Variants in FLRT2 observed in about 807,000 individuals in gnomAD.
The protein encoded by FLRT2 is fibronectin leucine rich transmembrane protein 2, also known as leucine-rich repeat transmembrane protein FLRT2.
Under a neutral mutation model 40.0 loss-of-function variants are expected in FLRT2, and 15 were observed. The ratio of observed to expected loss-of-function variants is 0.38; its 90% CI spans 0.25 to 0.58. The LOEUF (loss-of-function observed/expected upper bound fraction) is 0.58. Ranked by LOEUF, FLRT2 falls within the 20% of genes least tolerant of loss-of-function variation. The pLI is 0.71. For missense variants in FLRT2, 726 were observed against 840.0 expected (o/e 0.86, Z 1.68); for synonymous variants, 380 against 336.8 (o/e 1.13, Z -1.41).
intron 1 of FLRT2, among the ~76,000 whole-genome samples, chr14:85,569,804 G>A (rs931379762): frequency 2.0e-5 from 3 of 152,180 alleles, no homozygotes; most frequent in Non-Finnish European, 2.9e-5. Flanking sequence ...CTGTGCTTTT[G>A]GAGGGATTTT....
Position 85,652,143 on chromosome 14 carries a change from T to A in FLRT2, c.*28646T>A, listed in dbSNP as rs1237524595. 1 of 152,134 alleles carries A rather than the reference T, an allele frequency of 6.6e-6. No homozygotes were observed. The highest frequency in any genetic ancestry group is 6.5e-5 in the Admixed American group (1 of 15,274). The allele number at this position is 152,134 out of a possible 1,614,324, so 9.4% of individuals were successfully genotyped here. On this transcript the variant is annotated 3_prime_UTR_variant, in exon 2 of 2. Transcript: ENST00000330753. ...AAACAAAGTATTATTAAAAGTATGTTTGATGTTGCTGAAGATTCTTTCATA... is the reference window on the plus strand; with the variant it reads ...AAACAAAGTATTATTAAAAGTATGTATGATGTTGCTGAAGATTCTTTCATA...
intron 1 of FLRT2, among the ~76,000 whole-genome samples, chr14:85,531,754 T>G (rs545795085): frequency 3.3e-4 from 50 of 152,126 alleles, no homozygotes; most frequent in Non-Finnish European, 6.2e-4. Flanking sequence ...ATTAGTCACA[T>G]ACTGTGGGGA....
Position 85,623,083 on chromosome 14 carries a change from C to T in FLRT2, c.1569C>T (p.Ser523=). The T allele has an allele frequency of 6.2e-7, 1 of 1,614,096 alleles. No individual in the cohort carries two copies. The highest frequency in any genetic ancestry group is 1.1e-5 in the South Asian group (1 of 91,070). Residue 523 remains serine, a synonymous_variant, in exon 2 of 2, where the codon AGC becomes AGT. Coordinates refer to ENST00000330753, the MANE Select transcript of FLRT2 (RefSeq NM_013231.6). The stretch of plus-strand genomic sequence containing the variant: ...ATGCCTCCTATCTGAACAACGGCAG[C>T]AACACAGCGTCCAGCCATGAGCAGA... ...TTHASYLNNG[S]NTASSHEQTT...
intron 1 of FLRT2, among the ~76,000 whole-genome samples, chr14:85,537,953 A>G (rs1888768129): frequency 6.6e-6 from 1 of 151,404 alleles, no homozygotes; most frequent in Non-Finnish European, 1.5e-5. Flanking sequence ...AACAGTAGCT[A>G]CTTTTTCAGG....
At chr14:85,578,780 A>G (rs1467422200) in intron 1 of FLRT2, among the ~76,000 whole-genome samples, 3 of 152,178 alleles carry the variant, frequency 2.0e-5, no homozygotes, top group African/African-American at 7.2e-5. Flanking sequence ...ACACACAAAA[A>G]AATCACAGGC....
At position 85,635,822 on chromosome 14, in the gene FLRT2, T is replaced by C. The variant is rs1893985876; in HGVS notation, c.*12325T>C. ...TACTTAGCAGCTAACAATGAAATGTTCATTTCAAAATGTTTAGTCTTTAAA... is the reference window on the plus strand; with the variant it reads ...TACTTAGCAGCTAACAATGAAATGTCCATTTCAAAATGTTTAGTCTTTAAA... On this transcript the variant is annotated 3_prime_UTR_variant, in exon 2 of 2. Coordinates refer to ENST00000330753, the MANE Select transcript of FLRT2 (RefSeq NM_013231.6). 6.6e-6 allele frequency: 1 copy of C among 152,142 alleles called. No homozygotes were observed. Among genetic ancestry groups the C allele is most frequent in the Non-Finnish European group, 1.5e-5 (1 of 67,970 alleles). 9.4% of individuals were successfully genotyped at this position (152,142 alleles called of 1,614,324 possible). A position where few individuals can be genotyped will look rare whatever the true frequency, so the allele number is the denominator to read the frequency against.
At chr14:85,546,860 G>A (rs570113506) in intron 1 of FLRT2, among the ~76,000 whole-genome samples, 3 of 152,268 alleles carry the variant, frequency 2.0e-5, no homozygotes, top group African/African-American at 7.2e-5. Flanking sequence ...TCCCAATAAA[G>A]TCCTACTTGT....
chr14:85,650,579 C>G lies in FLRT2; in HGVS notation c.*27082C>G, dbSNP rs1268937805. The G allele has an allele frequency of 6.6e-6, 1 of 151,972 alleles. No individual in the cohort carries two copies. The highest frequency in any genetic ancestry group is 1.9e-4 in the East Asian group (1 of 5,172). 9.4% of individuals were successfully genotyped at this position (151,972 alleles called of 1,614,324 possible). ...GTTCTCTGTGTGCCAATTTTCTTTACCACTGGTAAAATGTGAGTTTCCACT... is the reference window on the plus strand; with the variant it reads ...GTTCTCTGTGTGCCAATTTTCTTTAGCACTGGTAAAATGTGAGTTTCCACT... On this transcript the variant is annotated 3_prime_UTR_variant, in exon 2 of 2. Transcript: ENST00000330753.
intron 1 of FLRT2, among the ~76,000 whole-genome samples, chr14:85,564,481 C>T (rs903367648): frequency 7.9e-5 from 12 of 152,022 alleles, no homozygotes; most frequent in Non-Finnish European, 1.5e-5. Flanking sequence ...TAATTAAAAG[C>T]CTAAGTCATT....
chr14:85,573,588 G>A (rs777578956), intron 1 of FLRT2, among the ~76,000 whole-genome samples: 21 of 152,168 alleles, frequency 1.4e-4, no homozygotes, highest in Non-Finnish European at 2.4e-4. Flanking sequence ...TCTACTGGGT[G>A]TGCCAACCCT....
chr14:85,557,806 A>G (rs1890062397), intron 1 of FLRT2, among the ~76,000 whole-genome samples: 1 of 151,882 alleles, frequency 6.6e-6, no homozygotes, highest in Non-Finnish European at 1.5e-5. Flanking sequence ...ACAAGAGTAA[A>G]ACTCCATTTC....
chr14:85,596,908 T>C (rs974470548), intron 1 of FLRT2, among the ~76,000 whole-genome samples: 3 of 152,192 alleles, frequency 2.0e-5, no homozygotes, highest in African/African-American at 4.8e-5. Flanking sequence ...TTAAAAATGA[T>C]AGAGTTTTCT....
In FLRT2 at chr14:85,610,883, G is replaced by A. The variant is rs116481885; in HGVS notation, c.-376-10256G>A. Among the ~76,000 whole-genome samples the A allele has an allele frequency of 1.2e-3, 179 of 152,070 alleles. 1 individual carries two copies. The highest frequency in any genetic ancestry group is 4.1e-3 in the African/African-American group (171 of 41,438). ...ACAATTTTATCTTTTCTAATCTCAA[G>A]TTTTGTAGTTTTAATTAATGAATTT... On this transcript the variant is annotated intron_variant, in intron 1 of 1. Coordinates refer to ENST00000330753, the MANE Select transcript of FLRT2 (RefSeq NM_013231.6).
At chr14:85,597,471 A>C (rs1030238951) in intron 1 of FLRT2, among the ~76,000 whole-genome samples, 1 of 152,194 alleles carries the variant, frequency 6.6e-6, no homozygotes, top group Non-Finnish European at 1.5e-5. Flanking sequence ...CTAAATGGCA[A>C]AGTCTGTGAG....
intron 1 of FLRT2, among the ~76,000 whole-genome samples, chr14:85,608,166 G>T (rs535834207): frequency 1.3e-5 from 2 of 152,190 alleles, no homozygotes; most frequent in Non-Finnish European, 2.9e-5. Flanking sequence ...TATGAGTTTT[G>T]GGTGGGAACA....
chr14:85,586,441 A>G (rs1362616941), intron 1 of FLRT2, among the ~76,000 whole-genome samples: 2 of 152,188 alleles, frequency 1.3e-5, no homozygotes, highest in Admixed American at 1.3e-4. Context: ...TAAGTTCCAG[A>G]GATTTGCTGT....
intron 1 of FLRT2, among the ~76,000 whole-genome samples, chr14:85,607,754 T>C (rs1437820021): frequency 2.6e-5 from 4 of 152,228 alleles, no homozygotes; most frequent in African/African-American, 7.2e-5. Flanking sequence ...ATGCATTTTA[T>C]GTGCTTTCTA....
At chr14:85,544,122 A>G (rs186928650) in intron 1 of FLRT2, among the ~76,000 whole-genome samples, 67 of 152,254 alleles carry the variant, frequency 4.4e-4, no homozygotes, top group Non-Finnish European at 4.3e-4. Context: ...TTTTATTCCC[A>G]TAGATTGATT....
chr14:85,608,734 G>T (rs1246554281), intron 1 of FLRT2, among the ~76,000 whole-genome samples: 1 of 152,116 alleles, frequency 6.6e-6, no homozygotes, highest in Non-Finnish European at 1.5e-5. Flanking sequence ...ATTTATTCAG[G>T]AAGTATGCAC....
Sources: gnomAD v4.1 joint callset for allele counts (sites outside exome capture counted in the v4.1 genomes callset) on GRCh38, gnomAD v4.1.1 for gene constraint, MANE v1.5 for transcripts, NCBI Gene and HGNC (gene_info 2026-07-23, HGNC 2026-07-21) for gene names.